The following PLXDC1 variants were observed in gnomAD, a reference collection of about 807,000 sequenced individuals.
The protein encoded by PLXDC1 is plexin domain containing 1.
A neutral mutation model predicts 61.3 loss-of-function variants in PLXDC1; 39 were observed. The observed-to-expected ratio is 0.64, with a 90% CI of 0.49 to 0.83. The LOEUF is 0.83. Ranked by LOEUF, PLXDC1 falls within the 40% of genes least tolerant of loss-of-function variation. The pLI is 0.00. For missense variants in PLXDC1, 596 were observed against 666.5 expected (o/e 0.89, Z 1.17); for synonymous variants, 212 against 254.5 (o/e 0.83, Z 1.59).
At chr17:39,068,003 C>G (rs747522351) in intron 13 of PLXDC1, 44 bp from the exon 14 acceptor site, 1 of 1,599,430 alleles carries the variant, frequency 6.3e-7, no homozygotes, top group Non-Finnish European at 8.5e-7. Flanking sequence ...TGCCCCCGCC[C>G]CCATGGGGAC....
At chr17:39,087,556 T>A in intron 8 of PLXDC1, 51 bp downstream of exon 8, 1 of 1,390,842 alleles carries the variant, frequency 7.2e-7, no homozygotes, top group Admixed American at 1.7e-5. Context: ...ATGAAGCCAG[T>A]CTGCTTGACT....
chr17:39,102,485 G>A (rs947480776), intron 7 of PLXDC1, among the ~76,000 whole-genome samples: 9 of 151,798 alleles, frequency 5.9e-5, no homozygotes, highest in African/African-American at 1.9e-4. Flanking sequence ...TCACACGGGG[G>A]CATGAAAGTA....
intron 1 of PLXDC1, among the ~76,000 whole-genome samples, chr17:39,142,230 G>C (rs1911958109): frequency 6.6e-6 from 1 of 152,084 alleles, no homozygotes; most frequent in Non-Finnish European, 1.5e-5. Flanking sequence ...ATTTTTTACT[G>C]TTTTACTCCT....
intron 1 of PLXDC1, among the ~76,000 whole-genome samples, chr17:39,145,292 C>G (rs913350775): frequency 2.0e-5 from 3 of 152,154 alleles, no homozygotes; most frequent in African/African-American, 7.2e-5. Flanking sequence ...CAGTAGCGTC[C>G]CAGTCCCCTC....
At chr17:39,144,000 G>A (rs1450172398) in intron 1 of PLXDC1, among the ~76,000 whole-genome samples, 1 of 152,240 alleles carries the variant, frequency 6.6e-6, no homozygotes, top group East Asian at 1.9e-4. Flanking sequence ...GCAGGAGCCA[G>A]AACAGGATAG....
upstream of PLXDC1, chr17:39,152,680 T>C (rs1238548927): frequency 1.3e-5 from 16 of 1,232,776 alleles, no homozygotes; most frequent in Non-Finnish European, 1.6e-5. Context: ...CTGAGCGCCA[T>C]TGGAGAAATT....
intron 2 of PLXDC1, among the ~76,000 whole-genome samples, chr17:39,118,503 T>C (rs1280821914): frequency 2.6e-5 from 4 of 152,156 alleles, no homozygotes; most frequent in African/African-American, 9.7e-5. Context: ...CATGTCCGCC[T>C]AGTCTACAAT....
intron 2 of PLXDC1, among the ~76,000 whole-genome samples, chr17:39,123,762 G>A (rs1010870112): frequency 2.6e-5 from 4 of 152,276 alleles, no homozygotes; most frequent in South Asian, 2.1e-4. Context: ...TTCTGACAGC[G>A]GGGCAGCATT....
At chr17:39,152,451 A>G (rs1399776281), upstream of PLXDC1, 13 of 1,071,350 alleles carry the variant, frequency 1.2e-5, no homozygotes, top group Non-Finnish European at 1.3e-5. Flanking sequence ...TTTTTCTTCC[A>G]GGACAGAATA....
intron 2 of PLXDC1, among the ~76,000 whole-genome samples, chr17:39,118,313 C>T (rs1911058104): frequency 6.6e-6 from 1 of 152,028 alleles, no homozygotes; most frequent in Admixed American, 6.6e-5. Flanking sequence ...AAGCGATTCT[C>T]CTGCCTCACC....
chr17:39,093,132 A>G (rs560326413), intron 7 of PLXDC1, among the ~76,000 whole-genome samples: 10 of 152,286 alleles, frequency 6.6e-5, no homozygotes, highest in African/African-American at 1.2e-4. Context: ...CCGTGGTGCA[A>G]TCACGGCTCA....
In PLXDC1 at chr17:39,067,725, C is replaced by G; in HGVS notation, c.*115G>C. 2 of 1,027,414 alleles carry G rather than the reference C, an allele frequency of 1.9e-6. No homozygotes were observed. Among genetic ancestry groups the G allele is most frequent in the Non-Finnish European group, 2.9e-6 (2 of 694,392 alleles). The allele number at this position is 1,027,414 out of a possible 1,614,324, so 63.6% of individuals were successfully genotyped here. ...GCAGCAGCTCTGGAGCCATAAACCA[C>G]CATCTCATCTCAGCCCAGGGCATGC... On this transcript the variant is annotated 3_prime_UTR_variant, in exon 14 of 14. Coordinates refer to ENST00000315392, the MANE Select transcript of PLXDC1 (RefSeq NM_020405.5).
intron 1 of PLXDC1, among the ~76,000 whole-genome samples, chr17:39,143,457 C>T (rs1031314139): frequency 1.3e-5 from 2 of 152,196 alleles, no homozygotes; most frequent in African/African-American, 4.8e-5. Flanking sequence ...ATTTGAGTTC[C>T]CCCAGGATTC....
chr17:39,072,311 A>G, intron 12 of PLXDC1, 139 bp downstream of exon 12: 1 of 684,936 alleles, frequency 1.5e-6, no homozygotes, highest in African/African-American at 1.8e-5. Context: ...CCCACCCAGC[A>G]GGAGGTCTGG....
Position 39,067,881 on chromosome 17 carries a change from C to T in PLXDC1, c.1462G>A (p.Gly488Ser). 6.2e-7 allele frequency: 1 copy of T among 1,613,886 alleles called. No individual in the cohort carries two copies. The highest frequency in any genetic ancestry group is 1.3e-5 in the African/African-American group (1 of 75,036). Residue 488 changes from glycine to serine, a missense_variant, in exon 14 of 14, where the codon GGC becomes AGC. Physicochemically the swap from Gly to Ser is moderately conservative, Grantham distance 56 (BLOSUM62 0). Transcript: ENST00000315392. ...HSTYAEVEPSGHEKEGFMEAE... is the reference protein window; with the variant it reads ...HSTYAEVEPSSHEKEGFMEAE... ...TCCATGAAGCCCTCCTTCTCATGGC[C>T]CGAGGGCTCCACCTCCGCATAGGTG... is the stretch of plus-strand genomic sequence containing the variant.
At position 39,136,445 on chromosome 17, in the gene PLXDC1, G is replaced by A. The variant is rs557742196; in HGVS notation, c.255+3209C>T. Among the ~76,000 whole-genome samples the A allele has an allele frequency of 1.5e-4, 23 of 152,220 alleles. 1 individual carries two copies. The South Asian group carries it at 3.5e-3, about 23-fold the overall frequency. On this transcript the variant is annotated intron_variant, in intron 2 of 13. Transcript: ENST00000315392. ...ATGTTTTTTATAGAGGCAAGTTCTC[G>A]TTATGTTGCCCAGGCTGGTCTCCAA...
chr17:39,140,065 A>G (rs1411619884), intron 1 of PLXDC1, among the ~76,000 whole-genome samples: 1 of 152,174 alleles, frequency 6.6e-6, no homozygotes, highest in Admixed American at 6.5e-5. Context: ...TCTCCGCAGT[A>G]GTTAGGATGT....
At chr17:39,097,985 A>G (rs998286349) in intron 7 of PLXDC1, among the ~76,000 whole-genome samples, 2 of 151,066 alleles carry the variant, frequency 1.3e-5, no homozygotes, top group African/African-American at 2.4e-5. Context: ...TGGGCGGATC[A>G]CCTGAGGTCA....
In PLXDC1 at chr17:39,151,354, A is replaced by T; in HGVS notation, c.76+8T>A. 1 of 1,279,916 alleles carries T rather than the reference A, an allele frequency of 7.8e-7. No individual in the cohort carries two copies. Among genetic ancestry groups the T allele is most frequent in the Non-Finnish European group, 9.9e-7 (1 of 1,013,218 alleles). The allele number at this position is 1,279,916 out of a possible 1,614,324, so 79.3% of individuals were successfully genotyped here. ...CGGCCCACCCGGGCCGGCTCCCGCCAGTCCTACCTGCTCCGGGCTGGGGGC... is the reference window on the plus strand; with the variant it reads ...CGGCCCACCCGGGCCGGCTCCCGCCTGTCCTACCTGCTCCGGGCTGGGGGC... On this transcript the variant is annotated splice_region_variant and intron_variant, in intron 1 of 13. Coordinates refer to ENST00000315392, the MANE Select transcript of PLXDC1 (RefSeq NM_020405.5). The surrounding 1 kb of genome is among the most constrained non-coding windows in gnomAD (Gnocchi z 5.2).
Sources: allele counts gnomAD v4.1 joint callset (sites outside exome capture counted in the v4.1 genomes callset), GRCh38; gene constraint gnomAD v4.1.1; non-coding constraint Gnocchi (gnomAD v3.1); transcripts MANE v1.5; gene names NCBI Gene and HGNC (gene_info 2026-07-23, HGNC 2026-07-21).